Variants in NPSR1 observed in about 807,000 individuals in gnomAD.
NPSR1 encodes the protein neuropeptide S receptor.
NPSR1 carries 48 observed loss-of-function variants against 46.9 expected under a neutral mutation model. The ratio of observed to expected loss-of-function variants is 1.02; its 90% CI spans 0.81 to 1.30. The LOEUF (loss-of-function observed/expected upper bound fraction) is 1.30, where lower values mean the gene tolerates loss of function less well. Among genes scored for constraint, NPSR1 ranks in the 50% most tolerant of loss-of-function variants. NPSR1 has a pLI of 0.00. For missense variants in NPSR1, 450 were observed against 449.5 expected (o/e 1.00, Z -0.01); for synonymous variants, 176 against 168.1 (o/e 1.05, Z -0.36).
downstream of NPSR1, among the ~76,000 whole-genome samples, chr7:34,852,437 T>G (rs1790958317): frequency 6.6e-6 from 1 of 152,150 alleles, no homozygotes; most frequent in African/African-American, 2.4e-5. Context: ...TGGTCTCATC[T>G]GCAAGATGGG....
chr7:34,660,051 A>G (rs910832899), intron 1 of NPSR1: 3 of 455,304 alleles, frequency 6.6e-6, no homozygotes, highest in Non-Finnish European at 8.8e-6. Context: ...TAGCACCTAC[A>G]GGGATATTTG....
intron 8 of NPSR1, among the ~76,000 whole-genome samples, chr7:34,873,587 G>C (rs914202252): frequency 6.6e-6 from 1 of 151,506 alleles, no homozygotes; most frequent in African/African-American, 2.4e-5. Flanking sequence ...AGAGAGAGGT[G>C]GAGGTATCAC....
At chr7:34,671,024 TCAAAGACAGAAA>T (rs1792024760) in intron 1 of NPSR1, among the ~76,000 whole-genome samples, 1 of 152,078 alleles carries the variant, frequency 6.6e-6, no homozygotes, top group Non-Finnish European at 1.5e-5. Context: ...AAAGAAACAT[TCAAAGACAGAAA>T]CAAAGACTGC....
chr7:34,678,619 G>A (rs13233364), intron 1 of NPSR1, among the ~76,000 whole-genome samples: 33,588 of 151,830 alleles, frequency 0.22, 3,962 homozygotes, highest in South Asian at 0.33. Context: ...GAGGTCAGGA[G>A]ATCGAGACCA....
chr7:34,746,543 A>G (rs1785211417), intron 2 of NPSR1, among the ~76,000 whole-genome samples: 1 of 152,174 alleles, frequency 6.6e-6, no homozygotes. Context: ...TCCCTCACAG[A>G]TAAGGGGAGA....
At chr7:34,733,186 C>G (rs1784507794) in intron 2 of NPSR1, among the ~76,000 whole-genome samples, 1 of 152,098 alleles carries the variant, frequency 6.6e-6, no homozygotes, top group African/African-American at 2.4e-5. Context: ...CTTTGGGAAG[C>G]CACAGTGGGT....
intron 2 of NPSR1, among the ~76,000 whole-genome samples, chr7:34,722,678 G>A (rs1417810128): frequency 1.3e-5 from 2 of 152,180 alleles, no homozygotes; most frequent in African/African-American, 2.4e-5. Context: ...TCCAGACAAT[G>A]GCAAGAAGAT....
At chr7:34,721,973 G>T (rs1783879578) in intron 2 of NPSR1, among the ~76,000 whole-genome samples, 1 of 151,752 alleles carries the variant, frequency 6.6e-6, no homozygotes, top group South Asian at 2.1e-4. Context: ...ACCAGGAAAA[G>T]AATATATATA....
At chr7:34,691,334 A>G (rs1019672596) in intron 2 of NPSR1, among the ~76,000 whole-genome samples, 16 of 152,236 alleles carry the variant, frequency 1.1e-4, no homozygotes, top group Non-Finnish European at 1.8e-4. Context: ...ACTCCAAGTA[A>G]CAACACTGTG....
intron 2 of NPSR1, chr7:34,685,726 A>T: frequency 2.4e-6 from 1 of 425,290 alleles, no homozygotes; most frequent in South Asian, 1.7e-5. Context: ...GTAACCTGAA[A>T]TTCCCCTTTT....
chr7:34,734,780 C>G (rs1181652338), intron 2 of NPSR1, among the ~76,000 whole-genome samples: 1 of 152,176 alleles, frequency 6.6e-6, no homozygotes, highest in Non-Finnish European at 1.5e-5. Flanking sequence ...CAGTGTTTCT[C>G]AAGAAGGTGG....
intron 2 of NPSR1, among the ~76,000 whole-genome samples, chr7:34,765,205 C>A: frequency 6.6e-6 from 1 of 152,128 alleles, no homozygotes; most frequent in Non-Finnish European, 1.5e-5. Context: ...TACTATGTAT[C>A]TCAATATTTG....
At chr7:34,697,397 T>C (rs1793585192) in intron 2 of NPSR1, among the ~76,000 whole-genome samples, 1 of 151,868 alleles carries the variant, frequency 6.6e-6, no homozygotes, top group Non-Finnish European at 1.5e-5. Context: ...CTAAAGAAGG[T>C]ATAAAATGCA....
chr7:34,773,712 G>A (rs1387815172), intron 2 of NPSR1, among the ~76,000 whole-genome samples: 3 of 152,194 alleles, frequency 2.0e-5, no homozygotes, highest in Non-Finnish European at 4.4e-5. Context: ...ATAATTGGTA[G>A]TCCATTTTAT....
intron 6 of NPSR1, among the ~76,000 whole-genome samples, chr7:34,843,335 A>G (rs1388947217): frequency 6.6e-6 from 1 of 152,236 alleles, no homozygotes; most frequent in Non-Finnish European, 1.5e-5. Context: ...CGAGCACACA[A>G]GACAGAGAGA....
At chr7:34,715,180 T>C (rs1267840562) in intron 2 of NPSR1, among the ~76,000 whole-genome samples, 2 of 152,164 alleles carry the variant, frequency 1.3e-5, no homozygotes, top group Admixed American at 1.3e-4. Context: ...ATAATTTAGG[T>C]TGCTTGAAAG....
rs186888751 is a variant in NPSR1 at position 34,738,572 on chromosome 7, T to C, written c.281-39890T>C. Among the ~76,000 whole-genome samples, 134 of 152,246 alleles carry C rather than the reference T, an allele frequency of 8.8e-4. 1 individual carries two copies. The highest frequency in any genetic ancestry group is 3.1e-3 in the African/African-American group (128 of 41,562). On this transcript the variant is annotated intron_variant, in intron 2 of 8. Transcript: ENST00000360581. ...AAATAGTTTGTTTTTGGCTTCTTTT[T>C]TTTCTTGTAATTTATATCACAAATA...
chr7:34,865,336 G>T (rs1023706412), intron 8 of NPSR1, among the ~76,000 whole-genome samples: 11 of 151,932 alleles, frequency 7.2e-5, no homozygotes, highest in African/African-American at 2.7e-4. Flanking sequence ...CCTGTGGCAG[G>T]AAGTGAACTG....
At chr7:34,867,925 A>C (rs1254186866) in intron 8 of NPSR1, among the ~76,000 whole-genome samples, 1 of 151,888 alleles carries the variant, frequency 6.6e-6, no homozygotes, top group Non-Finnish European at 1.5e-5. Flanking sequence ...AAGTCCAGCC[A>C]GTATTATTAA....
Sources: allele counts gnomAD v4.1 joint callset (sites outside exome capture counted in the v4.1 genomes callset), GRCh38; gene constraint gnomAD v4.1.1; transcripts MANE v1.5; gene names NCBI Gene and HGNC (gene_info 2026-07-23, HGNC 2026-07-21).